Variants in NECTIN1 observed in about 807,000 individuals in gnomAD.
The protein encoded by NECTIN1 is nectin-1.
In NECTIN1, 23 loss-of-function variants were observed where a neutral mutation model predicts 48.0. The ratio of observed to expected loss-of-function variants is 0.48; its 90% CI spans 0.34 to 0.68. NECTIN1 has a LOEUF of 0.68. Among genes scored for constraint, NECTIN1 ranks in the 30% least tolerant of loss-of-function variants. The pLI is 0.01. For missense variants in NECTIN1, 591 were observed against 709.9 expected, an observed-to-expected ratio of 0.83 and a Z score of 1.90; for synonymous variants, 270 against 288.9, an observed-to-expected ratio of 0.93 and a Z score of 0.66.
chr11:119,710,692 C>T lies in NECTIN1; in HGVS notation c.79+17783G>A, dbSNP rs11217417. ...GCAGAGGAGACAGGAACAGCAAAGG[C>T]ATGGTGGACTGAAAGGTCAGAGCTT... On this transcript the variant is annotated intron_variant, in intron 1 of 5. Coordinates refer to ENST00000264025, the MANE Select transcript of NECTIN1 (RefSeq NM_002855.5). Among the ~76,000 whole-genome samples the T allele has an allele frequency of 8.8e-3, 1,342 of 152,240 alleles. 26 individuals are homozygous for T. Among genetic ancestry groups the T allele is most frequent in the African/African-American group, 0.031 (1,289 of 41,518 alleles).
At position 119,640,339 on chromosome 11, in the gene NECTIN1, G is replaced by A. The variant is rs1864305948; in HGVS notation, c.1004-327C>T. Reference sequence around the variant, plus strand: ...GTCCCCACCCCGTCATTCCATTTCTGGCCCTGCAGGGAAGATTCCTGTTGA... The same window carrying A: ...GTCCCCACCCCGTCATTCCATTTCTAGCCCTGCAGGGAAGATTCCTGTTGA... On this transcript the variant is annotated intron_variant, in intron 5 of 7. Transcript: ENST00000341398. 5 of 390,928 alleles carry A rather than the reference G, an allele frequency of 1.3e-5. No individual in the cohort carries two copies. In the East Asian group the frequency reaches 2.7e-4, roughly 21 times the overall value. The allele number at this position is 390,928 out of a possible 1,614,324, so 24.2% of individuals were successfully genotyped here.
At chr11:119,638,642 T>G (rs1479058599) in intron 7 of NECTIN1, 3 of 1,244,234 alleles carry the variant, frequency 2.4e-6, no homozygotes, top group African/African-American at 1.5e-5. Context: ...CGGCTCTGTC[T>G]TCAGCTTGGG....
chr11:119,718,631 T>A (rs973459590), intron 1 of NECTIN1, among the ~76,000 whole-genome samples: 1 of 152,162 alleles, frequency 6.6e-6, no homozygotes, highest in Non-Finnish European at 1.5e-5. Flanking sequence ...CCAGGCAGAT[T>A]CTCTCCGAGG....
chr11:119,655,768 G>A (rs1367825589), intron 5 of NECTIN1, among the ~76,000 whole-genome samples: 1 of 152,130 alleles, frequency 6.6e-6, no homozygotes, highest in African/African-American at 2.4e-5. Context: ...GCATAGAAGG[G>A]TAGCCCTGTG....
intron 6 of NECTIN1, among the ~76,000 whole-genome samples, chr11:119,639,126 C>A (rs1864282926): frequency 6.6e-6 from 1 of 152,196 alleles, no homozygotes; most frequent in Non-Finnish European, 1.5e-5. Context: ...TGTGGGCCCT[C>A]ACCCAGGGCG....
In NECTIN1 at chr11:119,664,713, G is replaced by A. The variant is rs1180811989; in HGVS notation, c.*34C>T. 1.3e-6 allele frequency: 2 copies of A among 1,562,446 alleles called. No individual in the cohort carries two copies. The highest frequency in any genetic ancestry group is 4.6e-5 in the East Asian group (2 of 43,246). ...GGGGCGTGCGGGGAGGGGCTGGGGA[G>A]GAGCGGTCACAGACAGAGGCTCTGG... On this transcript the variant is annotated 3_prime_UTR_variant, in exon 6 of 6. Transcript: ENST00000264025.
At position 119,727,102 on chromosome 11, in the gene NECTIN1, C is replaced by A. The variant is rs1865921263; in HGVS notation, c.79+1373G>T. 6.6e-6 allele frequency among the ~76,000 whole-genome samples: 1 copy of A among 152,184 alleles called. No homozygotes were observed. Among genetic ancestry groups the A allele is most frequent in the Non-Finnish European group, 1.5e-5 (1 of 68,040 alleles). On this transcript the variant is annotated intron_variant, in intron 1 of 5. Transcript: ENST00000264025. The surrounding 1 kb of genome is among the most constrained non-coding windows in gnomAD (Gnocchi z 4.1). ...CTTTCACAAACTGCTTCCCAGACAT[C>A]CACCACTTAGTGAGATTGGCGGGGC...
In NECTIN1 at chr11:119,664,603, T is replaced by G; in HGVS notation, c.*144A>C. On this transcript the variant is annotated 3_prime_UTR_variant, in exon 6 of 6. Coordinates refer to ENST00000264025, the MANE Select transcript of NECTIN1 (RefSeq NM_002855.5). The stretch of plus-strand genomic sequence containing the variant: ...AAGTCGTGGCTGCCCTGGGCTCCCC[T>G]GGCCCCCCAGGAGTTCGGGGCTGGC... The G allele has an allele frequency of 7.0e-7, 1 of 1,432,514 alleles. No individual in the cohort carries two copies. 88.7% of individuals were successfully genotyped at this position (1,432,514 alleles called of 1,614,324 possible).
chr11:119,666,358 A>C (rs1360144831), intron 5 of NECTIN1, among the ~76,000 whole-genome samples: 1 of 152,242 alleles, frequency 6.6e-6, no homozygotes, highest in African/African-American at 2.4e-5. Flanking sequence ...GGTGAAAAGA[A>C]GAGAAAGGAA....
intron 1 of NECTIN1, among the ~76,000 whole-genome samples, chr11:119,686,510 C>T (rs1565391838): frequency 6.6e-6 from 1 of 152,166 alleles, no homozygotes; most frequent in Non-Finnish European, 1.5e-5. Context: ...AGATGCAAAT[C>T]ACTTACTACT....
At chr11:119,669,586 CA>C (rs770638126) in intron 5 of NECTIN1, among the ~76,000 whole-genome samples, 4 of 151,990 alleles carry the variant, frequency 2.6e-5, no homozygotes, top group Non-Finnish European at 5.9e-5. Flanking sequence ...AGCAGCCAGA[CA>C]AATCCTGTTG....
At chr11:119,724,235 C>T (rs1865873805) in intron 1 of NECTIN1, among the ~76,000 whole-genome samples, 1 of 152,172 alleles carries the variant, frequency 6.6e-6, no homozygotes, top group South Asian at 2.1e-4. Context: ...AGCTGAAAAA[C>T]TGCCTCCCTT....
chr11:119,638,818 A>C, intron 6 of NECTIN1: 1 of 1,611,880 alleles, frequency 6.2e-7, no homozygotes, highest in Non-Finnish European at 8.5e-7. Context: ...TGGAGACAGA[A>C]TGAGGGTAAG....
At chr11:119,716,876 A>G (rs558791752) in intron 1 of NECTIN1, among the ~76,000 whole-genome samples, 1 of 152,240 alleles carries the variant, frequency 6.6e-6, no homozygotes, top group African/African-American at 2.4e-5. Flanking sequence ...GCACGCACAC[A>G]CACACAGCAC....
intron 5 of NECTIN1, chr11:119,640,845 G>A (rs1289226634): frequency 6.6e-6 from 1 of 152,228 alleles, no homozygotes; most frequent in African/African-American, 2.4e-5. Flanking sequence ...CGTGGAGTGG[G>A]GGGTAGGGAC....
chr11:119,704,165 G>A (rs550364391), intron 1 of NECTIN1, among the ~76,000 whole-genome samples: 16 of 152,138 alleles, frequency 1.1e-4, no homozygotes, highest in East Asian at 3.9e-4. Flanking sequence ...ACGAACCTGC[G>A]GGCAGGGGCT....
At chr11:119,722,497 G>T (rs994604562) in intron 1 of NECTIN1, among the ~76,000 whole-genome samples, 2 of 152,258 alleles carry the variant, frequency 1.3e-5, no homozygotes, top group African/African-American at 4.8e-5. Context: ...CCCTCTCTAT[G>T]GCCACGGCTA....
At position 119,677,050 on chromosome 11, in the gene NECTIN1, G is replaced by A. The variant is rs2292292; in HGVS notation, c.851+52C>T. On this transcript the variant is annotated intron_variant, in intron 4 of 5. Transcript: ENST00000264025. This position sits in a 1 kb window ranked among gnomAD's most constrained non-coding sequence, Gnocchi z 5.4. ...GTAGGATGGTTGCCCCTCATCACCCGTGGTCCAGTCAGCTGTCTTCCAAGG... is the reference window on the plus strand; with the variant it reads ...GTAGGATGGTTGCCCCTCATCACCCATGGTCCAGTCAGCTGTCTTCCAAGG... The A allele has an allele frequency of 8.8e-5, 131 of 1,491,496 alleles. 1 individual carries two copies. Among genetic ancestry groups the A allele is most frequent in the South Asian group, 3.4e-4 (30 of 88,606 alleles). 92.4% of individuals were successfully genotyped at this position (1,491,496 alleles called of 1,614,324 possible).
At chr11:119,697,482 G>A (rs369135619) in intron 1 of NECTIN1, among the ~76,000 whole-genome samples, 14 of 152,276 alleles carry the variant, frequency 9.2e-5, no homozygotes, top group African/African-American at 3.4e-4. Flanking sequence ...ATAAATACTG[G>A]TGGTCAGTAT....
Sources: gnomAD v4.1 joint callset for allele counts (sites outside exome capture counted in the v4.1 genomes callset) on GRCh38, gnomAD v4.1.1 for gene constraint, Gnocchi (gnomAD v3.1) non-coding constraint, MANE v1.5 for transcripts, NCBI Gene and HGNC (gene_info 2026-07-23, HGNC 2026-07-21) for gene names.